The following ARPP21 variants were observed in gnomAD, a reference collection of about 807,000 sequenced individuals.
ARPP21 encodes cAMP-regulated phosphoprotein 21.
In ARPP21, 69 loss-of-function variants were observed where a neutral mutation model predicts 113.2. That is an observed-to-expected ratio of 0.61 (90% CI 0.50 to 0.74). ARPP21 has a LOEUF of 0.74. Ranked by LOEUF, ARPP21 falls within the 30% of genes least tolerant of loss-of-function variation. The pLI, the probability that ARPP21 is intolerant of heterozygous loss-of-function variation, is 0.00. For missense variants in ARPP21, 1,070 were observed against 1,037.4 expected, an observed-to-expected ratio of 1.03 and a Z score of -0.43; for synonymous variants, 368 against 375.5, an observed-to-expected ratio of 0.98 and a Z score of 0.23.
intron 12 of ARPP21, 113 bp downstream of exon 12, chr3:35,715,589 G>T: frequency 1.2e-6 from 1 of 807,756 alleles, no homozygotes; most frequent in South Asian, 1.6e-5. Context: ...ATATGTATTA[G>T]CAGATACATA....
At chr3:35,723,752 A>T (rs968817895) in intron 14 of ARPP21, among the ~76,000 whole-genome samples, 1 of 152,246 alleles carries the variant, frequency 6.6e-6, no homozygotes, top group Non-Finnish European at 1.5e-5. Flanking sequence ...AAAAATGTTA[A>T]AATGCCATGT....
intron 1 of ARPP21, among the ~76,000 whole-genome samples, chr3:35,661,645 C>G (rs1707853982): frequency 6.6e-6 from 1 of 152,158 alleles, no homozygotes; most frequent in Admixed American, 6.5e-5. Flanking sequence ...CAACAGTATT[C>G]AATTCTCATT....
chr3:35,761,090 A>T (rs1401518205), intron 19 of ARPP21, among the ~76,000 whole-genome samples: 5 of 152,112 alleles, frequency 3.3e-5, no homozygotes. Context: ...AAGCTAATCT[A>T]CTTTGAGAAT....
chr3:35,728,977 G>A (rs533215574), intron 14 of ARPP21, among the ~76,000 whole-genome samples: 12 of 152,240 alleles, frequency 7.9e-5, no homozygotes, highest in African/African-American at 2.4e-4. Flanking sequence ...TGGGGATATA[G>A]GAGGGATTTT....
At chr3:35,730,478 A>T (rs1227519054) in intron 15 of ARPP21, among the ~76,000 whole-genome samples, 1 of 152,226 alleles carries the variant, frequency 6.6e-6, no homozygotes, top group Non-Finnish European at 1.5e-5. Context: ...AGACTTCCAC[A>T]GCAGAAGATT....
intron 1 of ARPP21, chr3:35,650,122 T>C (rs900245248): frequency 6.6e-6 from 1 of 152,058 alleles, no homozygotes; most frequent in Admixed American, 6.6e-5. Context: ...TAGAAAGCAA[T>C]AGATTTTGAC....
intron 9 of ARPP21, among the ~76,000 whole-genome samples, chr3:35,701,115 A>C (rs1042298928): frequency 6.6e-6 from 1 of 151,482 alleles, no homozygotes; most frequent in African/African-American, 2.4e-5. Flanking sequence ...ATTTGGTGGA[A>C]TCCTCAATTT....
chr3:35,644,982 A>C (rs1189941849), intron 1 of ARPP21, among the ~76,000 whole-genome samples: 1 of 151,968 alleles, frequency 6.6e-6, no homozygotes, highest in Non-Finnish European at 1.5e-5. Context: ...TTAGGATACA[A>C]TTGTAATTGC....
At chr3:35,757,246 A>G (rs941750904) in intron 19 of ARPP21, among the ~76,000 whole-genome samples, 2 of 151,850 alleles carry the variant, frequency 1.3e-5, no homozygotes, top group East Asian at 1.9e-4. Flanking sequence ...AAAAAATTGT[A>G]AAGATACGGT....
At chr3:35,644,362 A>T (rs1289668222) in intron 1 of ARPP21, among the ~76,000 whole-genome samples, 1 of 151,926 alleles carries the variant, frequency 6.6e-6, no homozygotes, top group East Asian at 1.9e-4. Context: ...ATAACCAATG[A>T]TCTATGAGGA....
At chr3:35,712,126 G>A (rs558153415) in intron 11 of ARPP21, among the ~76,000 whole-genome samples, 2 of 152,236 alleles carry the variant, frequency 1.3e-5, no homozygotes, top group South Asian at 4.1e-4. Flanking sequence ...ATCATTACTA[G>A]TGCCCAAATG....
intron 5 of ARPP21, chr3:35,684,414 C>A: frequency 1.0e-6 from 1 of 974,916 alleles, no homozygotes; most frequent in Non-Finnish European, 1.2e-6. Context: ...CTTATTTTTG[C>A]TCCTTACAGC....
intron 19 of ARPP21, among the ~76,000 whole-genome samples, chr3:35,757,990 A>G (rs2095633100): frequency 6.6e-6 from 1 of 152,164 alleles, no homozygotes; most frequent in South Asian, 2.1e-4. Context: ...TGCAGAATAG[A>G]GGGACAATAT....
At chr3:35,689,471 G>C (rs1425984596) in intron 7 of ARPP21, 86 bp downstream of exon 7, 4 of 744,216 alleles carry the variant, frequency 5.4e-6, no homozygotes, top group Non-Finnish European at 9.4e-6. Context: ...TTCTAAGAAA[G>C]CCATTGTGAA....
chr3:35,691,446 C>T (rs1226108363), intron 9 of ARPP21, among the ~76,000 whole-genome samples: 1 of 151,540 alleles, frequency 6.6e-6, no homozygotes, highest in Non-Finnish European at 1.5e-5. Flanking sequence ...ATAAAAAGCT[C>T]CGAACCTAGA....
At chr3:35,679,296 T>C (rs1317513605) in intron 1 of ARPP21, among the ~76,000 whole-genome samples, 1 of 151,910 alleles carries the variant, frequency 6.6e-6, no homozygotes, top group African/African-American at 2.4e-5. Context: ...AGAGAATGTT[T>C]CATTAAATCA....
intron 1 of ARPP21, among the ~76,000 whole-genome samples, chr3:35,649,869 C>T (rs1701722224): frequency 6.6e-6 from 1 of 152,080 alleles, no homozygotes; most frequent in African/African-American, 2.4e-5. Context: ...TTTACCCGAT[C>T]TATAAAAATA....
At chr3:35,674,001 G>A (rs1407115706) in intron 1 of ARPP21, among the ~76,000 whole-genome samples, 1 of 151,880 alleles carries the variant, frequency 6.6e-6, no homozygotes, top group Non-Finnish European at 1.5e-5. Context: ...AAAAATTCTT[G>A]TTCCATTAGA....
intron 19 of ARPP21, among the ~76,000 whole-genome samples, chr3:35,786,328 C>G (rs1330460879): frequency 6.6e-6 from 1 of 152,032 alleles, no homozygotes; most frequent in African/African-American, 2.4e-5. Context: ...TCGAGACCAT[C>G]CTGGCCAACA....
Sources: allele counts gnomAD v4.1 joint callset (sites outside exome capture counted in the v4.1 genomes callset), GRCh38; gene constraint gnomAD v4.1.1; transcripts MANE v1.5; gene names NCBI Gene and HGNC (gene_info 2026-07-23, HGNC 2026-07-21).